FCHSD2: variants seen among roughly 807,000 people sequenced by gnomAD.
The protein encoded by FCHSD2 is FCH and double SH3 domains 2.
In FCHSD2, 38 loss-of-function variants were observed where a neutral mutation model predicts 108.1. That is an observed-to-expected ratio of 0.35 (90% CI 0.27 to 0.46). The LOEUF (loss-of-function observed/expected upper bound fraction) is 0.46. FCHSD2 is among the 20% of genes least tolerant of loss of function. The pLI, the probability that FCHSD2 is intolerant of heterozygous loss-of-function variation, is 1.00. For missense variants in FCHSD2, 751 were observed against 897.8 expected (o/e 0.84, Z 2.09); for synonymous variants, 279 against 314.7 (o/e 0.89, Z 1.20).
chr11:72,966,030 T>C (rs1023174618), intron 8 of FCHSD2, among the ~76,000 whole-genome samples: 4 of 152,164 alleles, frequency 2.6e-5, no homozygotes, highest in African/African-American at 9.7e-5. Flanking sequence ...ATAAACAACA[T>C]TGTTTATGGA....
intron 3 of FCHSD2, among the ~76,000 whole-genome samples, chr11:73,080,131 C>T (rs568590032): frequency 6.6e-6 from 1 of 150,800 alleles, no homozygotes; most frequent in East Asian, 2.0e-4. Flanking sequence ...AGACCCTGTC[C>T]CTACAAAATA....
intron 8 of FCHSD2, among the ~76,000 whole-genome samples, chr11:72,978,520 A>G (rs1857151008): frequency 6.6e-6 from 1 of 152,154 alleles, no homozygotes; most frequent in Non-Finnish European, 1.5e-5. Context: ...AAGACAGGTG[A>G]TATGTTTGGC....
rs563941863 is a variant in FCHSD2, at chr11:73,045,774, G to C, written c.166-29889C>G. On this transcript the variant is annotated intron_variant, in intron 3 of 19. Coordinates refer to ENST00000409418, the MANE Select transcript of FCHSD2 (RefSeq NM_014824.3). ...CACACTCTGGGGACTGTTGTGGGGTGGGGGGAGCGGGGAGGGATAGCATTG... is the reference window on the plus strand; with the variant it reads ...CACACTCTGGGGACTGTTGTGGGGTCGGGGGAGCGGGGAGGGATAGCATTG... 3.0e-3 allele frequency among the ~76,000 whole-genome samples: 461 copies of C among 152,002 alleles called. 1 individual carries two copies. The highest frequency in any genetic ancestry group is 0.011 in the African/African-American group (440 of 41,422).
intron 2 of FCHSD2, among the ~76,000 whole-genome samples, chr11:73,123,948 G>T (rs1196710643): frequency 6.6e-6 from 1 of 152,126 alleles, no homozygotes; most frequent in Non-Finnish European, 1.5e-5. Flanking sequence ...TCATGAACAG[G>T]CCTTAATATT....
chr11:72,900,480 G>A (rs117678186), intron 10 of FCHSD2, among the ~76,000 whole-genome samples: 1 of 152,228 alleles, frequency 6.6e-6, no homozygotes, highest in Non-Finnish European at 1.5e-5. Context: ...TGAGATGAGA[G>A]TCACTGTTAT....
chr11:72,910,724 A>AC (rs752080974), intron 9 of FCHSD2, among the ~76,000 whole-genome samples: 49 of 150,998 alleles, frequency 3.2e-4, no homozygotes, highest in Admixed American at 1.1e-3. Context: ...AAAACCAGAG[A>AC]CCTTTGTTCA....
rs147430682 is a variant in FCHSD2 at position 73,110,338 on chromosome 11, C to T, written c.120-26598G>A. Among the ~76,000 whole-genome samples the T allele has an allele frequency of 6.6e-5, 10 of 151,936 alleles. No individual in the cohort carries two copies. The East Asian group carries it at 1.5e-3, about 23-fold the overall frequency. ...AGGTCTTGGACTTGGCTTTGCTAGG[C>T]GATATTTTATTACGGCTTCAATCCT... On this transcript the variant is annotated intron_variant, in intron 2 of 19. Transcript: ENST00000409418.
chr11:73,008,412 G>C (rs1479358828), intron 4 of FCHSD2, among the ~76,000 whole-genome samples: 1 of 152,028 alleles, frequency 6.6e-6, no homozygotes, highest in Non-Finnish European at 1.5e-5. Flanking sequence ...CAAGAAGAAT[G>C]GTGTTTTAAT....
Position 73,142,237 on chromosome 11 carries a change from C to G in FCHSD2, c.-360G>C, listed in dbSNP as rs1156401565. The G allele has an allele frequency of 6.5e-6, 1 of 154,878 alleles. No individual in the cohort carries two copies. The highest frequency in any genetic ancestry group is 2.5e-5 in the African/African-American group (1 of 39,296). 9.6% of individuals were successfully genotyped at this position (154,878 alleles called of 1,614,324 possible). A position where few individuals can be genotyped will look rare whatever the true frequency, so the allele number is the denominator to read the frequency against. ...GTTAGCCGCAGCCGCGTTGTCCGCG[C>G]TCCCGGTCGGCCGCCTGCGCCGCCG... On this transcript the variant is annotated 5_prime_UTR_variant, in exon 1 of 20. Coordinates refer to ENST00000409418, the MANE Select transcript of FCHSD2 (RefSeq NM_014824.3).
intron 3 of FCHSD2, among the ~76,000 whole-genome samples, chr11:73,063,759 AC>A (rs1859222591): frequency 6.6e-6 from 1 of 152,192 alleles, no homozygotes; most frequent in African/African-American, 2.4e-5. Context: ...ATATACATGC[AC>A]CCAATACAGG....
chr11:72,857,341 T>C (rs1212221712), intron 13 of FCHSD2, among the ~76,000 whole-genome samples: 1 of 152,208 alleles, frequency 6.6e-6, no homozygotes, highest in Non-Finnish European at 1.5e-5. Flanking sequence ...GCTCTCTCCT[T>C]TTCTTCTTGT....
intron 2 of FCHSD2, among the ~76,000 whole-genome samples, chr11:73,098,205 T>A (rs1172785312): frequency 6.6e-6 from 1 of 152,226 alleles, no homozygotes; most frequent in African/African-American, 2.4e-5. Context: ...ACTGTTAAGT[T>A]TTCCCTGAAT....
At chr11:73,115,005 T>C (rs1860571868) in intron 2 of FCHSD2, among the ~76,000 whole-genome samples, 4 of 152,172 alleles carry the variant, frequency 2.6e-5, no homozygotes. Flanking sequence ...GCCTAAGAAT[T>C]GGAGTCCTAG....
intron 9 of FCHSD2, among the ~76,000 whole-genome samples, chr11:72,910,524 C>G (rs1401925825): frequency 6.6e-6 from 1 of 151,982 alleles, no homozygotes; most frequent in Non-Finnish European, 1.5e-5. Context: ...ATAACCTTAC[C>G]CCCAACCCCA....
chr11:72,928,142 G>A (rs1856114834), intron 8 of FCHSD2, among the ~76,000 whole-genome samples: 1 of 151,648 alleles, frequency 6.6e-6, no homozygotes, highest in South Asian at 2.1e-4. Context: ...TGGATAATGA[G>A]TACGTGGGGG....
chr11:72,943,111 C>T (rs977337991), intron 8 of FCHSD2, among the ~76,000 whole-genome samples: 4 of 152,182 alleles, frequency 2.6e-5, no homozygotes, highest in Admixed American at 2.0e-4. Context: ...CCTTCCTTGG[C>T]CTCCTGAGTA....
chr11:73,002,812 A>G (rs959486723), intron 4 of FCHSD2, among the ~76,000 whole-genome samples: 2 of 151,980 alleles, frequency 1.3e-5, no homozygotes, highest in Non-Finnish European at 2.9e-5. Flanking sequence ...AACTCAATCA[A>G]GTTATTCTTT....
intron 2 of FCHSD2, among the ~76,000 whole-genome samples, chr11:73,101,264 C>G (rs1277091905): frequency 1.3e-5 from 2 of 152,106 alleles, no homozygotes; most frequent in Admixed American, 6.5e-5. Flanking sequence ...TGCATAAGAG[C>G]AACTTTGGGC....
At chr11:72,966,482 TATACTA>T (rs1386463508) in intron 8 of FCHSD2, among the ~76,000 whole-genome samples, 4 of 152,090 alleles carry the variant, frequency 2.6e-5, no homozygotes, top group Non-Finnish European at 5.9e-5. Context: ...ATTACTTTGT[TATACTA>T]ATACGGGAAT....
Sources: allele counts gnomAD v4.1 joint callset (sites outside exome capture counted in the v4.1 genomes callset), GRCh38; gene constraint gnomAD v4.1.1; transcripts MANE v1.5; gene names NCBI Gene and HGNC (gene_info 2026-07-23, HGNC 2026-07-21).